The following SOX6 variants were observed in gnomAD, a reference collection of about 807,000 sequenced individuals.
SOX6 encodes the protein SRY-box transcription factor 6.
In SOX6, 11 loss-of-function variants were observed where a neutral mutation model predicts 97.8. That is an observed-to-expected ratio of 0.11 (90% CI 0.07 to 0.19). SOX6 has a LOEUF of 0.19. Among genes scored for constraint, SOX6 ranks in the 10% least tolerant of loss-of-function variants. The pLI, the probability that SOX6 is intolerant of heterozygous loss-of-function variation, is 1.00. For synonymous variants in SOX6, 360 were observed against 371.4 expected (o/e 0.97, Z 0.35); for missense variants, 810 against 1,039.5 (o/e 0.78, Z 3.04).
intron 15 of SOX6, among the ~76,000 whole-genome samples, chr11:15,976,169 A>G (rs994149175): frequency 2.0e-5 from 3 of 152,160 alleles, no homozygotes; most frequent in Non-Finnish European, 2.9e-5. Context: ...TCGAGGTTGT[A>G]CATAAATGCT....
intron 1 of SOX6, among the ~76,000 whole-genome samples, chr11:16,447,258 AG>A: frequency 6.6e-6 from 1 of 152,188 alleles, no homozygotes; most frequent in Non-Finnish European, 1.5e-5. Flanking sequence ...ATTTAGGAAA[AG>A]AGCACAGTCA....
At chr11:16,109,767 G>C (rs1452998727) in intron 7 of SOX6, among the ~76,000 whole-genome samples, 1 of 152,144 alleles carries the variant, frequency 6.6e-6, no homozygotes, top group African/African-American at 2.4e-5. Context: ...TTAGAGTTCT[G>C]ATTAATGAAA....
At chr11:16,284,277 T>C (rs1471848310) in intron 3 of SOX6, among the ~76,000 whole-genome samples, 1 of 152,126 alleles carries the variant, frequency 6.6e-6, no homozygotes, top group Non-Finnish European at 1.5e-5. Context: ...TTAGTTTGTA[T>C]TGCTTCAGGA....
chr11:16,628,346 G>A (rs559879020), intron 3 of SOX6, among the ~76,000 whole-genome samples: 14 of 152,022 alleles, frequency 9.2e-5, no homozygotes, highest in South Asian at 2.1e-4. Context: ...CATTGGGGCC[G>A]GGCATGGTTG....
rs1333260018 is a variant in SOX6, at chr11:16,341,253, C to CT, written c.-4-2dup. On this transcript the variant is annotated splice_acceptor_variant, in intron 1 of 15. Transcript: ENST00000683767. LOFTEE classifies it low-confidence loss of function (5UTR_SPLICE). ...GGTGGCTTGCTTGGAAGACATTCTT[C>CT]TGCAGAAAAAAAACAGAACGGATTA... 6.2e-7 allele frequency: 1 copy of CT among 1,612,014 alleles called. No individual in the cohort carries two copies. The highest frequency in any genetic ancestry group is 1.7e-5 in the Admixed American group (1 of 59,688).
At chr11:16,085,914 G>T (rs1848567681) in intron 9 of SOX6, among the ~76,000 whole-genome samples, 2 of 152,276 alleles carry the variant, frequency 1.3e-5, no homozygotes, top group South Asian at 2.1e-4. Flanking sequence ...GGTAGCAAAT[G>T]CTACCAGTTT....
At chr11:16,655,799 G>A (rs1564860849) in intron 3 of SOX6, among the ~76,000 whole-genome samples, 2 of 151,924 alleles carry the variant, frequency 1.3e-5, no homozygotes, top group Non-Finnish European at 2.9e-5. Flanking sequence ...TCACTCATCA[G>A]TTCCTCGATT....
intron 6 of SOX6, among the ~76,000 whole-genome samples, chr11:16,176,040 G>A (rs1851173659): frequency 6.8e-6 from 1 of 146,602 alleles, no homozygotes; most frequent in Non-Finnish European, 1.5e-5. Context: ...CAACCCTCAG[G>A]ATGGATGGAT....
chr11:16,155,347 C>T (rs141565825), intron 6 of SOX6, among the ~76,000 whole-genome samples: 108 of 152,230 alleles, frequency 7.1e-4, no homozygotes, highest in African/African-American at 2.5e-3. Context: ...CCATGCTTCA[C>T]TTTTGTGATC....
At chr11:16,500,519 T>A (rs1421791187) in intron 4 of SOX6, among the ~76,000 whole-genome samples, 1 of 152,168 alleles carries the variant, frequency 6.6e-6, no homozygotes, top group Non-Finnish European at 1.5e-5. Context: ...GGAAGTCAGA[T>A]TGTCCCTGTT....
At chr11:16,587,007 C>T (rs1848101639) in intron 4 of SOX6, among the ~76,000 whole-genome samples, 1 of 152,154 alleles carries the variant, frequency 6.6e-6, no homozygotes, top group African/African-American at 2.4e-5. Context: ...ATGTACAAGA[C>T]TTTCAGTTAA....
At chr11:16,492,252 C>T (rs759969896) in intron 4 of SOX6, among the ~76,000 whole-genome samples, 3 of 152,116 alleles carry the variant, frequency 2.0e-5, no homozygotes, top group Non-Finnish European at 2.9e-5. Flanking sequence ...AGAAAAGATG[C>T]CATTGGTGCT....
Position 16,642,965 on chromosome 11 carries a change from G to T in SOX6, n.430-30705C>A. On this transcript the variant is annotated intron_variant and non_coding_transcript_variant, in intron 3 of 5. Coordinates refer to the SOX6 transcript ENST00000524520. ...TGTTCCATTGCTGGTGAGGAGGTGC[G>T]TTCCTTTGGAGGAGAAGAGGTGCTC... is the stretch of plus-strand genomic sequence containing the variant. 1.3e-5 allele frequency among the ~76,000 whole-genome samples: 2 copies of T among 152,190 alleles called. 1 individual carries two copies. Among genetic ancestry groups the T allele is most frequent in the South Asian group, 4.1e-4 (2 of 4,824 alleles).
chr11:16,253,154 C>A (rs1853568276), intron 3 of SOX6, among the ~76,000 whole-genome samples: 1 of 152,054 alleles, frequency 6.6e-6, no homozygotes, highest in Admixed American at 6.6e-5. Flanking sequence ...TCGAGACCAG[C>A]CTGACTAACA....
At chr11:16,345,318 A>T (rs1236667120) in intron 1 of SOX6, among the ~76,000 whole-genome samples, 1 of 152,014 alleles carries the variant, frequency 6.6e-6, no homozygotes, top group East Asian at 1.9e-4. Context: ...AGAGAATTAT[A>T]TATCTTTGGG....
At chr11:16,249,525 A>G (rs954908996) in intron 3 of SOX6, among the ~76,000 whole-genome samples, 9 of 152,140 alleles carry the variant, frequency 5.9e-5, no homozygotes, top group African/African-American at 1.7e-4. Context: ...ACATCTTCCT[A>G]TCTTCTTCTG....
At chr11:16,134,382 T>A (rs1849900166) in intron 6 of SOX6, among the ~76,000 whole-genome samples, 1 of 151,342 alleles carries the variant, frequency 6.6e-6, no homozygotes, top group South Asian at 2.1e-4. Flanking sequence ...GAGAGGGAAG[T>A]AAGGAAAGCC....
At chr11:16,730,891 C>T (rs556578030) in intron 2 of SOX6, among the ~76,000 whole-genome samples, 55 of 152,066 alleles carry the variant, frequency 3.6e-4, no homozygotes, top group African/African-American at 1.3e-3. Context: ...ATCGAATAGA[C>T]ACAATAAAAA....
At chr11:16,327,316 A>C (rs1472994294) in intron 2 of SOX6, among the ~76,000 whole-genome samples, 1 of 152,198 alleles carries the variant, frequency 6.6e-6, no homozygotes, top group Non-Finnish European at 1.5e-5. Flanking sequence ...AGCTACTCTT[A>C]TTAAATACAA....
Sources: gnomAD v4.1 joint callset for allele counts (sites outside exome capture counted in the v4.1 genomes callset) on GRCh38, gnomAD v4.1.1 for gene constraint, MANE v1.5 for transcripts, NCBI Gene and HGNC (gene_info 2026-07-23, HGNC 2026-07-21) for gene names.